HTRA1: variants seen among roughly 807,000 people sequenced by gnomAD.
HTRA1 encodes HtrA serine peptidase 1.
In HTRA1, 26 loss-of-function variants were observed where a neutral mutation model predicts 49.7. The ratio of observed to expected loss-of-function variants is 0.52; its 90% CI spans 0.38 to 0.73. The LOEUF is 0.73. Ranked by LOEUF, HTRA1 falls within the 30% of genes least tolerant of loss-of-function variation. The pLI, the probability that HTRA1 is intolerant of heterozygous loss-of-function variation, is 0.00. For missense variants in HTRA1, 561 were observed against 667.2 expected, an observed-to-expected ratio of 0.84 and a Z score of 1.75; for synonymous variants, 291 against 286.9, an observed-to-expected ratio of 1.01 and a Z score of -0.14.
chr10:122,496,258 T>TTTTTTTTTTTTTTTTTTTG (rs1565427230), intron 3 of HTRA1, among the ~76,000 whole-genome samples: 2 of 132,508 alleles, frequency 1.5e-5, no homozygotes, highest in African/African-American at 5.5e-5. Context: ...TTTTTTTTTT[T>TTTTTTTTTTTTTTTTTTTG]TGCAGAGATG....
In HTRA1 at chr10:122,494,666, C is replaced by A. The variant is rs2097497757; in HGVS notation, c.777+5040C>A. 6.6e-6 allele frequency among the ~76,000 whole-genome samples: 1 copy of A among 152,164 alleles called. No individual in the cohort carries two copies. ...TGCGCCACCCCCCCAACCCCACGGC[C>A]ACCTTTGGGCCAGATGGCACCCACA... is the stretch of plus-strand genomic sequence containing the variant. On this transcript the variant is annotated intron_variant, in intron 3 of 8. Transcript: ENST00000368984. This position sits in a 1 kb window ranked among gnomAD's most constrained non-coding sequence, Gnocchi z 4.0.
intron 1 of HTRA1, among the ~76,000 whole-genome samples, chr10:122,466,555 G>A (rs1190085637): frequency 6.6e-6 from 1 of 152,144 alleles, no homozygotes. Context: ...ACTGAGCTCT[G>A]GGGAGACAGG....
At chr10:122,511,534 A>AC (rs1003729214) in intron 7 of HTRA1, among the ~76,000 whole-genome samples, 11 of 152,056 alleles carry the variant, frequency 7.2e-5, no homozygotes, top group African/African-American at 2.7e-4. Flanking sequence ...GGAGTTCGAG[A>AC]CCAGCCTGGC....
At position 122,461,705 on chromosome 10, in the gene HTRA1, C is replaced by A. The variant is rs1404614994; in HGVS notation, c.53C>A (p.Ala18Glu). The A allele has an allele frequency of 7.7e-7, 1 of 1,293,214 alleles. No homozygotes were observed. Among genetic ancestry groups the A allele is most frequent in the Non-Finnish European group, 1.0e-6 (1 of 1,004,420 alleles). The allele number at this position is 1,293,214 out of a possible 1,614,324, so 80.1% of individuals were successfully genotyped here. A position where few individuals can be genotyped will look rare whatever the true frequency, so the allele number is the denominator to read the frequency against. The stretch of plus-strand genomic sequence containing the variant: ...CCGCTGCTGCTGCTGCTGCTGGCGG[C>A]GCCCGCCTCGGCGCAGCTGTCCCGG... ...LLPLLLLLLA[A>E]PASAQLSRAG... Residue 18 changes from alanine to glutamate, a missense_variant, in exon 1 of 9, where the codon GCG (alanine) becomes GAG (glutamate). Coordinates refer to ENST00000368984, the MANE Select transcript of HTRA1 (RefSeq NM_002775.5).
At chr10:122,486,995 A>G (rs1314485559) in intron 1 of HTRA1, among the ~76,000 whole-genome samples, 1 of 152,078 alleles carries the variant, frequency 6.6e-6, no homozygotes, top group African/African-American at 2.4e-5. Context: ...GTATATATGC[A>G]TGTGTGTTAG....
rs1212913903 is a variant in HTRA1 at position 122,487,044 on chromosome 10, A to G, written c.473-1858A>G. Among the ~76,000 whole-genome samples the G allele has an allele frequency of 6.6e-6, 1 of 152,162 alleles. No individual in the cohort carries two copies. Among genetic ancestry groups the G allele is most frequent in the Admixed American group, 6.5e-5 (1 of 15,278 alleles). ...GGCCTGTTGGTAAATGAGACACAAAATACCTACAAAATACAAAATGTGAGA... is the reference window on the plus strand; with the variant it reads ...GGCCTGTTGGTAAATGAGACACAAAGTACCTACAAAATACAAAATGTGAGA... On this transcript the variant is annotated intron_variant, in intron 1 of 8. Transcript: ENST00000368984. The surrounding 1 kb of genome is among the most constrained non-coding windows in gnomAD (Gnocchi z 4.8).
intron 1 of HTRA1, among the ~76,000 whole-genome samples, chr10:122,463,050 G>C (rs1172640505): frequency 2.6e-5 from 4 of 152,272 alleles, no homozygotes; most frequent in African/African-American, 9.6e-5. Flanking sequence ...CCAGCCCCGC[G>C]TTGTAGGAAC....
intron 1 of HTRA1, among the ~76,000 whole-genome samples, chr10:122,480,618 C>A (rs891275065): frequency 6.6e-6 from 1 of 152,162 alleles, no homozygotes; most frequent in Non-Finnish European, 1.5e-5. Flanking sequence ...ATAGGCATAG[C>A]TCTGGTGTCC....
At chr10:122,493,862 C>A (rs566424574) in intron 3 of HTRA1, among the ~76,000 whole-genome samples, 2 of 151,492 alleles carry the variant, frequency 1.3e-5, no homozygotes, top group South Asian at 2.1e-4. Context: ...CCTTTCTCCA[C>A]CCCCACCTGC....
At chr10:122,498,322 G>T (rs2097499586) in intron 3 of HTRA1, among the ~76,000 whole-genome samples, 1 of 152,098 alleles carries the variant, frequency 6.6e-6, no homozygotes, top group Non-Finnish European at 1.5e-5. Context: ...ATGTCAGTTG[G>T]AGAAACATGA....
intron 1 of HTRA1, among the ~76,000 whole-genome samples, chr10:122,479,756 A>G (rs1207920171): frequency 6.7e-6 from 1 of 150,238 alleles, no homozygotes; most frequent in African/African-American, 2.4e-5. Flanking sequence ...TCAGTGCCAC[A>G]TGGTGAATGA....
intron 8 of HTRA1, among the ~76,000 whole-genome samples, chr10:122,513,645 A>G (rs1293653784): frequency 1.3e-5 from 2 of 150,630 alleles, no homozygotes; most frequent in African/African-American, 4.8e-5. Context: ...AAAAAAAAAA[A>G]AAAAAAAAGA....
chr10:122,483,710 G>T (rs1045113649), intron 1 of HTRA1, among the ~76,000 whole-genome samples: 1 of 152,176 alleles, frequency 6.6e-6, no homozygotes, highest in Non-Finnish European at 1.5e-5. Context: ...TGATCTACAA[G>T]TGTGGTATTT....
At chr10:122,485,531 A>T (rs2097492726) in intron 1 of HTRA1, among the ~76,000 whole-genome samples, 1 of 152,360 alleles carries the variant, frequency 6.6e-6, no homozygotes, top group African/African-American at 2.4e-5. Context: ...CATTTGGTCC[A>T]TCTTACAGAT....
At chr10:122,488,815 G>A (rs573346484) in intron 1 of HTRA1, 87 bp from the exon 2 acceptor site, 8 of 1,015,648 alleles carry the variant, frequency 7.9e-6, no homozygotes, top group African/African-American at 3.1e-5. Context: ...GGCTGGGCAT[G>A]CATCTTGGCT....
At chr10:122,471,073 G>T (rs186546019) in intron 1 of HTRA1, among the ~76,000 whole-genome samples, 103 of 152,266 alleles carry the variant, frequency 6.8e-4, no homozygotes, top group African/African-American at 2.2e-3. Flanking sequence ...GAGAGCACAC[G>T]CTCCTCCTGG....
At chr10:122,468,196 G>A (rs1591024490) in intron 1 of HTRA1, among the ~76,000 whole-genome samples, 4 of 152,122 alleles carry the variant, frequency 2.6e-5, no homozygotes, top group Admixed American at 6.5e-5. Context: ...TTCTGAAGTC[G>A]GATTGCCATT....
chr10:122,506,605 C>A lies in HTRA1; in HGVS notation c.778-86C>A. 8.5e-7 allele frequency: 1 copy of A among 1,177,764 alleles called. No individual in the cohort carries two copies. Among genetic ancestry groups the A allele is most frequent in the Non-Finnish European group, 1.3e-6 (1 of 795,736 alleles). The allele number at this position is 1,177,764 out of a possible 1,614,324, so 73.0% of individuals were successfully genotyped here. A position where few individuals can be genotyped will look rare whatever the true frequency, so the allele number is the denominator to read the frequency against. ...GTGTTTCCAAATAGCCCGTCACTGT[C>A]CCTGCTTGGTTTTCCATGATATCTG... On this transcript the variant is annotated intron_variant, in intron 3 of 8. Coordinates refer to ENST00000368984, the MANE Select transcript of HTRA1 (RefSeq NM_002775.5). The surrounding 1 kb of genome is among the most constrained non-coding windows in gnomAD (Gnocchi z 5.2).
intron 1 of HTRA1, among the ~76,000 whole-genome samples, chr10:122,467,740 A>G (rs1565408307): frequency 6.6e-6 from 1 of 151,890 alleles, no homozygotes; most frequent in Non-Finnish European, 1.5e-5. Flanking sequence ...CCCTTGTGTC[A>G]TTTCATCTTT....
Sources: allele counts gnomAD v4.1 joint callset (sites outside exome capture counted in the v4.1 genomes callset), GRCh38; gene constraint gnomAD v4.1.1; non-coding constraint Gnocchi (gnomAD v3.1); transcripts MANE v1.5; gene names NCBI Gene and HGNC (gene_info 2026-07-23, HGNC 2026-07-21).